NF1: variants seen among roughly 807,000 people sequenced by gnomAD.
NF1 encodes neurofibromin 1.
In NF1, 122 loss-of-function variants were observed where a neutral mutation model predicts 325.7. The observed-to-expected ratio is 0.37, with a 90% CI of 0.32 to 0.44. The LOEUF (loss-of-function observed/expected upper bound fraction) is 0.44. Among genes scored for constraint, NF1 ranks in the 20% least tolerant of loss-of-function variants. NF1 has a pLI of 1.00. For missense variants in NF1, 2,140 were observed against 3,415.4 expected (o/e 0.63, Z 9.31); for synonymous variants, 1,091 against 1,186.0 (o/e 0.92, Z 1.65).
chr17:31,182,821 G>A (rs981784764), intron 8 of NF1, 156 bp downstream of exon 8: 1 of 700,814 alleles, frequency 1.4e-6, no homozygotes, highest in Middle Eastern at 3.9e-4. Context: ...ACTTAGAAGA[G>A]ACATACTCAT....
At chr17:31,350,402 CT>C (rs1286183150) in intron 50 of NF1, 84 bp downstream of exon 50, 6 of 1,208,706 alleles carry the variant, frequency 5.0e-6, no homozygotes, top group South Asian at 3.7e-5. Flanking sequence ...GCAGAGTAAT[CT>C]AGAAGGTAAC....
rs200376987 is a variant in NF1, at chr17:31,242,305, C to CTTTT, written c.3974+6308_3974+6311dup. 6.4e-3 allele frequency among the ~76,000 whole-genome samples: 438 copies of CTTTT among 68,870 alleles called. 111 individuals carry two copies. The highest frequency in any genetic ancestry group is 0.021 in the African/African-American group (333 of 16,012). 45.2% of individuals were successfully genotyped at this position (68,870 alleles called of 152,430 possible). A position where few individuals can be genotyped will look rare whatever the true frequency, so the allele number is the denominator to read the frequency against. Reference sequence around the variant, plus strand: ...TCTTTCCCTAGGTTTCATAAGTTCTCTTTTTTTTTTTTTTTTTTTTTTTTT... The same window carrying CTTTT: ...TCTTTCCCTAGGTTTCATAAGTTCTCTTTTTTTTTTTTTTTTTTTTTTTTTTTTT... On this transcript the variant is annotated intron_variant, in intron 29 of 57. Transcript: ENST00000358273.
At chr17:31,126,609 T>G (rs991129621) in intron 1 of NF1, among the ~76,000 whole-genome samples, 2 of 152,022 alleles carry the variant, frequency 1.3e-5, no homozygotes, top group Non-Finnish European at 2.9e-5. Context: ...GCCTGGCTAA[T>G]TTTTGTATTT....
At chr17:31,320,620 T>C (rs2069161773) in intron 36 of NF1, 1 of 474,742 alleles carries the variant, frequency 2.1e-6, no homozygotes, top group African/African-American at 1.9e-5. Flanking sequence ...TTCATATTAA[T>C]AGTAGGGAGG....
intron 1 of NF1, among the ~76,000 whole-genome samples, chr17:31,117,908 G>C (rs1914093822): frequency 6.6e-6 from 1 of 151,856 alleles, no homozygotes; most frequent in Non-Finnish European, 1.5e-5. Flanking sequence ...ATTTCTTTTT[G>C]AACACCTGGA....
intron 12 of NF1, among the ~76,000 whole-genome samples, chr17:31,214,142 T>C (rs1023567360): frequency 5.3e-5 from 8 of 152,168 alleles, no homozygotes; most frequent in South Asian, 2.1e-4. Flanking sequence ...TTTTACATTT[T>C]AGAAAATAGT....
At chr17:31,150,362 T>C (rs749240987) in intron 1 of NF1, among the ~76,000 whole-genome samples, 1 of 152,200 alleles carries the variant, frequency 6.6e-6, no homozygotes, top group Non-Finnish European at 1.5e-5. Context: ...AGTTCCCAGC[T>C]TAACAGTTAA....
At chr17:31,243,213 T>TGTGTGTGTGTGTGTGTG (rs57229549) in intron 29 of NF1, among the ~76,000 whole-genome samples, 43 of 150,938 alleles carry the variant, frequency 2.8e-4, no homozygotes, top group East Asian at 1.2e-3. Flanking sequence ...TGTGTGTGTG[T>TGTGTGTGTGTGTGTGTG]TGAGCTGCCT....
intron 36 of NF1, chr17:31,299,597 A>G (rs537795646): frequency 9.1e-4 from 138 of 152,182 alleles, no homozygotes; most frequent in African/African-American, 3.1e-3. Context: ...TCAGTTTTCC[A>G]TTATTATAGG....
chr17:31,365,278 CA>C lies in NF1; in HGVS notation c.8377+4594del, dbSNP rs67659795. ...CCAGTCAGGGATTGAGAACCTATCTCAAAAAAAAAAAAAAAAAAAGAAGGAA... is the reference window on the plus strand; with the variant it reads ...CCAGTCAGGGATTGAGAACCTATCTCAAAAAAAAAAAAAAAAAAGAAGGAA... On this transcript the variant is annotated intron_variant, in intron 57 of 57. Coordinates refer to ENST00000358273, the MANE Select transcript of NF1 (RefSeq NM_001042492.3). 1.2e-4 allele frequency among the ~76,000 whole-genome samples: 12 copies of C among 101,066 alleles called. No homozygotes were observed. The East Asian group carries it at 2.3e-3, about 19-fold the overall frequency. The allele number at this position is 101,066 out of a possible 152,430, so 66.3% of individuals were successfully genotyped here.
chr17:31,261,999 A>G (rs985099237), intron 35 of NF1, 142 bp downstream of exon 35: 8 of 715,246 alleles, frequency 1.1e-5, no homozygotes, highest in African/African-American at 1.1e-4. Context: ...GGGGAATCCA[A>G]CTATATATTA....
intron 36 of NF1, among the ~76,000 whole-genome samples, chr17:31,276,876 C>T (rs777671554): frequency 1.3e-5 from 2 of 152,146 alleles, no homozygotes; most frequent in African/African-American, 2.4e-5. Context: ...GTTAGGGGCA[C>T]TGAATCTCCA....
At chr17:31,196,701 A>T (rs1325089739) in intron 8 of NF1, among the ~76,000 whole-genome samples, 5 of 152,138 alleles carry the variant, frequency 3.3e-5, no homozygotes, top group Admixed American at 6.5e-5. Context: ...ATCTATTTTG[A>T]GTTAATTTTT....
intron 8 of NF1, among the ~76,000 whole-genome samples, chr17:31,199,765 C>G (rs2066493658): frequency 6.6e-6 from 1 of 152,096 alleles, no homozygotes; most frequent in Non-Finnish European, 1.5e-5. Context: ...AAGGGTGGAA[C>G]AGTTTATCAT....
rs949350384 is a variant in NF1, at chr17:31,295,795, C to G, written c.4836-30025C>G. On this transcript the variant is annotated intron_variant, in intron 36 of 57. Transcript: ENST00000358273. ...TTAATGTACCTGGAAGAATTTGTGT[C>G]AAAGAATTATTAGACAGGTCCACGA... 11 of 1,613,976 alleles carry G rather than the reference C, an allele frequency of 6.8e-6. No individual in the cohort carries two copies. The Admixed American group carries it at 1.7e-4, about 24-fold the overall frequency.
intron 1 of NF1, among the ~76,000 whole-genome samples, chr17:31,129,238 C>T (rs934802387): frequency 6.6e-6 from 1 of 152,038 alleles, no homozygotes; most frequent in Non-Finnish European, 1.5e-5. Context: ...TTCCAAGTTG[C>T]TGCCTTTCTC....
At position 31,119,461 on chromosome 17, in the gene NF1, G is replaced by GT. The variant is rs1171839143; in HGVS notation, c.60+24104dup. ...ATATCCTTCGTCCACTTTTTGATGG[G>GT]TTTTTTTTTTTTCTTGTAAATTTAA... is the stretch of plus-strand genomic sequence containing the variant. On this transcript the variant is annotated intron_variant, in intron 1 of 57. Coordinates refer to ENST00000358273, the MANE Select transcript of NF1 (RefSeq NM_001042492.3). Among the ~76,000 whole-genome samples, 562 of 144,802 alleles carry GT rather than the reference G, an allele frequency of 3.9e-3. 7 individuals are homozygous for GT. The highest frequency in any genetic ancestry group is 0.011 in the African/African-American group (437 of 39,864). 95.0% of individuals were successfully genotyped at this position (144,802 alleles called of 152,430 possible). A position where few individuals can be genotyped will look rare whatever the true frequency, so the allele number is the denominator to read the frequency against.
intron 8 of NF1, among the ~76,000 whole-genome samples, chr17:31,188,373 A>G (rs1384036750): frequency 6.6e-6 from 1 of 152,202 alleles, no homozygotes; most frequent in Non-Finnish European, 1.5e-5. Context: ...TTCTTTTATC[A>G]TATGACTTAA....
At chr17:31,134,115 G>A (rs529778816) in intron 1 of NF1, among the ~76,000 whole-genome samples, 1 of 152,214 alleles carries the variant, frequency 6.6e-6, no homozygotes, top group Admixed American at 6.5e-5. Context: ...TTGGACTCAA[G>A]CAATCTTCCT....
Sources: gnomAD v4.1 joint callset for allele counts (sites outside exome capture counted in the v4.1 genomes callset) on GRCh38, gnomAD v4.1.1 for gene constraint, MANE v1.5 for transcripts, NCBI Gene and HGNC (gene_info 2026-07-23, HGNC 2026-07-21) for gene names.